SLC2A10: variants seen among roughly 807,000 people sequenced by gnomAD.
The protein encoded by SLC2A10 is solute carrier family 2, facilitated glucose transporter member 10.
A neutral mutation model predicts 32.1 loss-of-function variants in SLC2A10; 25 were observed. The observed-to-expected ratio is 0.78, with a 90% CI of 0.57 to 1.09. The LOEUF is 1.09. SLC2A10 is among the 50% of genes least tolerant of loss of function. SLC2A10 has a pLI of 0.00. For synonymous variants in SLC2A10, 332 were observed against 309.6 expected (o/e 1.07, Z -0.76); for missense variants, 673 against 686.5 (o/e 0.98, Z 0.22).
chr20:46,712,087 T>A (rs1173732707), intron 1 of SLC2A10, among the ~76,000 whole-genome samples: 5 of 152,146 alleles, frequency 3.3e-5, no homozygotes, highest in Non-Finnish European at 7.4e-5. Context: ...ATGACAATAG[T>A]GATTGTCATA....
chr20:46,729,331 A>G (rs748094194), intron 3 of SLC2A10, 22 bp from the exon 4 acceptor site: 12 of 1,612,304 alleles, frequency 7.4e-6, no homozygotes, highest in Non-Finnish European at 1.0e-5. Flanking sequence ...CTGGGCCTAC[A>G]CTCCCGCCCT....
intron 1 of SLC2A10, 39 bp downstream of exon 1, chr20:46,709,779 C>A: frequency 6.5e-7 from 1 of 1,546,970 alleles, no homozygotes; most frequent in Non-Finnish European, 8.7e-7. Flanking sequence ...GAAGCCCGAC[C>A]CCTTCCCAGG....
chr20:46,724,299 A>T (rs1269599942), intron 1 of SLC2A10, among the ~76,000 whole-genome samples: 1 of 152,238 alleles, frequency 6.6e-6, no homozygotes. Context: ...GCATGTTGTA[A>T]ATGCCAGATA....
rs2122985738 is a variant in SLC2A10 at position 46,709,649 on chromosome 20, G to T, written c.-88G>T. On this transcript the variant is annotated 5_prime_UTR_variant, in exon 1 of 5. Coordinates refer to ENST00000359271, the MANE Select transcript of SLC2A10 (RefSeq NM_030777.4). ...GAGGCGGGGGCGGGCCGGAAAGTTT[G>T]TCCGGCGGCAGCGGCGTTGGGGACT... 2 of 1,485,724 alleles carry T rather than the reference G, an allele frequency of 1.3e-6. No individual in the cohort carries two copies. The highest frequency in any genetic ancestry group is 1.4e-5 in the African/African-American group (1 of 68,996). The allele number at this position is 1,485,724 out of a possible 1,614,324, so 92.0% of individuals were successfully genotyped here. A position where few individuals can be genotyped will look rare whatever the true frequency, so the allele number is the denominator to read the frequency against.
intron 1 of SLC2A10, 102 bp downstream of exon 1, chr20:46,709,842 C>CA: frequency 7.1e-7 from 1 of 1,411,540 alleles, no homozygotes. Context: ...CTGGCTCCCC[C>CA]AGGGCCGCCC....
intron 1 of SLC2A10, among the ~76,000 whole-genome samples, chr20:46,716,400 G>A (rs571196897): frequency 7.2e-4 from 109 of 152,070 alleles, no homozygotes; most frequent in African/African-American, 2.5e-3. Flanking sequence ...TGATCCGCCC[G>A]CCTCAGCCTC....
intron 4 of SLC2A10, among the ~76,000 whole-genome samples, chr20:46,729,771 T>C (rs1333379709): frequency 1.3e-5 from 2 of 151,132 alleles, no homozygotes; most frequent in Non-Finnish European, 2.9e-5. Context: ...CCTCTCCGAG[T>C]AGCTGGGACT....
At chr20:46,729,127 T>G (rs1425650369) in intron 3 of SLC2A10, among the ~76,000 whole-genome samples, 1 of 152,220 alleles carries the variant, frequency 6.6e-6, no homozygotes, top group Non-Finnish European at 1.5e-5. Context: ...TCTCTGTGCT[T>G]GTGGACTTGC....
In SLC2A10 at chr20:46,733,805, A is replaced by G. The variant is rs1266794649; in HGVS notation, c.1597A>G (p.Ser533Gly). Reference sequence around the variant, plus strand: ...GCAGAACTCCACTGGCATCCCGTACAGCCGCATCGAGATCTCTGCGGCCTC... The same window carrying G: ...GCAGAACTCCACTGGCATCCCGTACGGCCGCATCGAGATCTCTGCGGCCTC... ...HRQNSTGIPY[S>G]RIEISAAS Residue 533 changes from serine to glycine, a missense_variant, in exon 5 of 5, where the codon AGC becomes GGC. Ser to Gly is a moderately conservative substitution (Grantham distance 56, BLOSUM62 0). Transcript: ENST00000359271. The G allele has an allele frequency of 6.2e-7, 1 of 1,614,190 alleles. No homozygotes were observed. Among genetic ancestry groups the G allele is most frequent in the East Asian group, 2.2e-5 (1 of 44,868 alleles).
chr20:46,716,668 C>T (rs1488557492), intron 1 of SLC2A10, among the ~76,000 whole-genome samples: 1 of 151,784 alleles, frequency 6.6e-6, no homozygotes, highest in East Asian at 1.9e-4. Flanking sequence ...ATAGGGTAGC[C>T]AGCATCCATA....
chr20:46,725,420 G>A lies in SLC2A10; in HGVS notation c.384G>A (p.Gly128=), dbSNP rs1568985304. 1.2e-6 allele frequency: 2 copies of A among 1,614,186 alleles called. No homozygotes were observed. Among genetic ancestry groups the A allele is most frequent in the East Asian group, 2.2e-5 (1 of 44,872 alleles). ...ACCIYVSELV[G]PRQRGVLVSL... ...GTATCTACGTGTCAGAGCTGGTGGG[G>A]CCACGGCAGCGGGGAGTGCTGGTGT... Residue 128 remains glycine, a synonymous_variant, in exon 2 of 5, where the codon GGG becomes GGA. Coordinates refer to ENST00000359271, the MANE Select transcript of SLC2A10 (RefSeq NM_030777.4).
chr20:46,709,943 T>A (rs1436466993), intron 1 of SLC2A10: 2 of 577,910 alleles, frequency 3.5e-6, no homozygotes, highest in Non-Finnish European at 5.9e-6. Flanking sequence ...CCTTCCATCT[T>A]CCTTTCTGCC....
In SLC2A10 at chr20:46,734,187, C is replaced by G. The variant is rs1021536507; in HGVS notation, c.*353C>G. 27 of 363,362 alleles carry G rather than the reference C, an allele frequency of 7.4e-5. No homozygotes were observed. In the East Asian group the frequency reaches 1.1e-3, roughly 15 times the overall value. The allele number at this position is 363,362 out of a possible 1,614,324, so 22.5% of individuals were successfully genotyped here. On this transcript the variant is annotated 3_prime_UTR_variant, in exon 5 of 5. Transcript: ENST00000359271. ...GTACCAATCCTGGCAGGAAGTCTCT[C>G]CCGATATCACCCCTAAATCCAAATG...
At chr20:46,717,382 T>TTTTA (rs199530168) in intron 1 of SLC2A10, among the ~76,000 whole-genome samples, 7 of 152,042 alleles carry the variant, frequency 4.6e-5, no homozygotes, top group African/African-American at 1.7e-4. Flanking sequence ...CAGTTCACCT[T>TTTTA]TTTATTTATT....
At chr20:46,713,965 C>T (rs2123002822) in intron 1 of SLC2A10, among the ~76,000 whole-genome samples, 1 of 152,168 alleles carries the variant, frequency 6.6e-6, no homozygotes, top group South Asian at 2.1e-4. Context: ...TCAGGAACTC[C>T]CTCAAACTTT....
Position 46,725,107 on chromosome 20 carries a change from A to T in SLC2A10, c.71A>T (p.Tyr24Phe), listed in dbSNP as rs886056724. The change falls in exon 2 of 5, where the codon TAT becomes TTT. Residue 24 changes from tyrosine to phenylalanine, a missense_variant. Tyr to Phe is a conservative substitution (Grantham distance 22). Transcript: ENST00000359271. ...VSLLGGLTFG[Y>F]ELAVISGALL... ...TTGCTGGGTGGCCTGACCTTTGGTT[A>T]TGAACTGGCAGTCATATCAGGTGCC... 4 of 1,614,150 alleles carry T rather than the reference A, an allele frequency of 2.5e-6. No individual in the cohort carries two copies. Among genetic ancestry groups the T allele is most frequent in the Non-Finnish European group, 3.4e-6 (4 of 1,180,012 alleles).
rs573021668 is a variant in SLC2A10, at chr20:46,733,879, C to T, written c.*45C>T. 1.3e-6 allele frequency: 2 copies of T among 1,569,110 alleles called. No homozygotes were observed. Among genetic ancestry groups the T allele is most frequent in the Non-Finnish European group, 1.8e-6 (2 of 1,140,392 alleles). ...ATTCTGGAACTGTGGCTTTGGCAGA[C>T]CATCTCCAGCATCCTGCTTCCTAGG... On this transcript the variant is annotated 3_prime_UTR_variant, in exon 5 of 5. Transcript: ENST00000359271.
Position 46,733,893 on chromosome 20 carries a change from C to T in SLC2A10, c.*59C>T, listed in dbSNP as rs6094448. ...GCTTTGGCAGACCATCTCCAGCATC[C>T]TGCTTCCTAGGCCCCAGAGCACAAG... is the stretch of plus-strand genomic sequence containing the variant. On this transcript the variant is annotated 3_prime_UTR_variant, in exon 5 of 5. Transcript: ENST00000359271. The T allele has an allele frequency of 6.6e-7, 1 of 1,526,488 alleles. No individual in the cohort carries two copies. The highest frequency in any genetic ancestry group is 1.4e-5 in the African/African-American group (1 of 72,838). 94.6% of individuals were successfully genotyped at this position (1,526,488 alleles called of 1,614,324 possible). A position where few individuals can be genotyped will look rare whatever the true frequency, so the allele number is the denominator to read the frequency against.
At chr20:46,709,628 CG>C, upstream of SLC2A10, 3 of 1,380,526 alleles carry the variant, frequency 2.2e-6, no homozygotes, top group Non-Finnish European at 2.0e-6. Flanking sequence ...GGGACAGAGG[CG>C]GGGGCGGGCC....
Sources: gnomAD v4.1 joint callset for allele counts (sites outside exome capture counted in the v4.1 genomes callset) on GRCh38, gnomAD v4.1.1 for gene constraint, MANE v1.5 for transcripts, NCBI Gene and HGNC (gene_info 2026-07-23, HGNC 2026-07-21) for gene names.